The following RBFOX1 variants were observed in gnomAD, a reference collection of about 807,000 sequenced individuals.
RBFOX1 encodes the protein RNA binding protein fox-1 homolog 1.
In RBFOX1, 8 loss-of-function variants were observed where a neutral mutation model predicts 57.7. That is an observed-to-expected ratio of 0.14 (90% CI 0.08 to 0.25). RBFOX1 has a LOEUF of 0.25. RBFOX1 is among the 10% of genes least tolerant of loss of function. The pLI is 1.00. For synonymous variants in RBFOX1, 326 were observed against 222.4 expected, an observed-to-expected ratio of 1.47 and a Z score of -4.15; for missense variants, 611 against 548.5, an observed-to-expected ratio of 1.11 and a Z score of -1.14.
intron 3 of RBFOX1, among the ~76,000 whole-genome samples, chr16:6,989,228 A>C (rs1179016562): frequency 6.6e-6 from 1 of 152,100 alleles, no homozygotes; most frequent in East Asian, 1.9e-4. Context: ...GCTATTAGAA[A>C]AATTTTAATT....
intron 1 of RBFOX1, among the ~76,000 whole-genome samples, chr16:6,238,407 G>C (rs1344871017): frequency 2.6e-5 from 4 of 152,106 alleles, no homozygotes; most frequent in South Asian, 2.1e-4. Flanking sequence ...TCTGATACTG[G>C]AGAATTTAAA....
At chr16:7,671,688 G>C (rs940894241) in intron 13 of RBFOX1, 5 of 1,218,652 alleles carry the variant, frequency 4.1e-6, no homozygotes, top group African/African-American at 1.5e-5. Flanking sequence ...CTGGGGAGGG[G>C]AACAGTTCTC....
chr16:6,351,078 G>A (rs1438621740), intron 2 of RBFOX1, among the ~76,000 whole-genome samples: 1 of 152,020 alleles, frequency 6.6e-6, no homozygotes, highest in African/African-American at 2.4e-5. Context: ...CAGCAATGTG[G>A]CCAAAACTTA....
intron 4 of RBFOX1, among the ~76,000 whole-genome samples, chr16:7,448,927 GTTTTTT>G (rs71147700): frequency 6.0e-5 from 5 of 82,978 alleles, no homozygotes; most frequent in Middle Eastern, 0.013. Flanking sequence ...TCTTTCCCCT[GTTTTTT>G]TTTTTTTTTT....
chr16:7,705,194 G>A (rs1334794367), intron 14 of RBFOX1, among the ~76,000 whole-genome samples: 1 of 151,960 alleles, frequency 6.6e-6, no homozygotes, highest in Non-Finnish European at 1.5e-5. Context: ...GGATTTGCAT[G>A]TGTGCAGGAA....
At chr16:5,957,318 G>A (rs1176149410) in intron 4 of RBFOX1, among the ~76,000 whole-genome samples, 2 of 152,086 alleles carry the variant, frequency 1.3e-5, no homozygotes, top group South Asian at 2.1e-4. Flanking sequence ...GTGTTCAAGC[G>A]ATTCTCTTGC....
At chr16:7,347,479 C>T (rs909304024) in intron 4 of RBFOX1, among the ~76,000 whole-genome samples, 19 of 152,138 alleles carry the variant, frequency 1.2e-4, no homozygotes, top group Admixed American at 1.2e-3. Flanking sequence ...TCATTTCCCA[C>T]CAGGTTCCTG....
intron 2 of RBFOX1, among the ~76,000 whole-genome samples, chr16:6,572,070 T>G (rs2097352329): frequency 6.6e-6 from 1 of 152,210 alleles, no homozygotes; most frequent in Non-Finnish European, 1.5e-5. Flanking sequence ...AAAAGTGGAT[T>G]TTTCTGCCAA....
chr16:7,532,632 C>T (rs2080406625), intron 5 of RBFOX1, among the ~76,000 whole-genome samples: 1 of 152,204 alleles, frequency 6.6e-6, no homozygotes, highest in Admixed American at 6.5e-5. Context: ...CTTCTCCAGG[C>T]TTTTAACATC....
chr16:5,766,048 G>A lies in RBFOX1; in HGVS notation c.319-101255G>A, dbSNP rs896569622. ...TGGGGACTAGCTTGGTAGTGTGCAC[G>A]TCATGGAGCAGCCAATAGCTCAGAG... On this transcript the variant is annotated intron_variant, in intron 3 of 19. Transcript: ENST00000641259. Among the ~76,000 whole-genome samples, 9 of 152,302 alleles carry A rather than the reference G, an allele frequency of 5.9e-5. No individual in the cohort carries two copies. In the South Asian group the frequency reaches 6.2e-4, roughly 11 times the overall value.
intron 11 of RBFOX1, 111 bp downstream of exon 11, chr16:7,630,794 C>G (rs1053480706): frequency 5.3e-6 from 8 of 1,513,826 alleles, no homozygotes; most frequent in Middle Eastern, 3.5e-4. Flanking sequence ...TCTCTTGTGG[C>G]TCTCTCTGAG....
intron 4 of RBFOX1, among the ~76,000 whole-genome samples, chr16:5,931,572 T>C (rs1008989422): frequency 1.5e-4 from 23 of 152,142 alleles, no homozygotes; most frequent in African/African-American, 5.6e-4. Flanking sequence ...GGTAAGTCTT[T>C]GAGCAGCTGG....
chr16:6,474,812 C>G (rs1352616251), intron 2 of RBFOX1, among the ~76,000 whole-genome samples: 1 of 152,122 alleles, frequency 6.6e-6, no homozygotes, highest in African/African-American at 2.4e-5. Flanking sequence ...ACGGTGCCCA[C>G]TTTTTTGACT....
chr16:6,656,114 G>C (rs994375031), intron 3 of RBFOX1, among the ~76,000 whole-genome samples: 2 of 152,156 alleles, frequency 1.3e-5, no homozygotes, highest in Non-Finnish European at 2.9e-5. Flanking sequence ...TGTGCATTTA[G>C]TGAGTTGGAC....
intron 4 of RBFOX1, among the ~76,000 whole-genome samples, chr16:7,080,431 C>G (rs560993274): frequency 6.6e-6 from 1 of 152,130 alleles, no homozygotes; most frequent in South Asian, 2.1e-4. Context: ...ATTTCAGTGC[C>G]AAAGTAATGA....
At chr16:5,417,997 C>T (rs2067205558) in intron 1 of RBFOX1, among the ~76,000 whole-genome samples, 1 of 152,126 alleles carries the variant, frequency 6.6e-6, no homozygotes, top group Non-Finnish European at 1.5e-5. Context: ...AGAAGAATCA[C>T]TTGAACCGAG....
Position 7,602,555 on chromosome 16 carries a change from T to C in RBFOX1, c.623-4730T>C, listed in dbSNP as rs184635728. Among the ~76,000 whole-genome samples the C allele has an allele frequency of 2.9e-3, 446 of 152,348 alleles. 3 individuals carry two copies. The highest frequency in any genetic ancestry group is 0.01 in the African/African-American group (429 of 41,582). On this transcript the variant is annotated intron_variant, in intron 9 of 15. Coordinates refer to ENST00000550418, the MANE Select transcript of RBFOX1 (RefSeq NM_018723.4). ...AAGGGGATCATTTTGTTCATCTTCC[T>C]GACAGTGCAGGCTCTTATCTCCAGC...
At chr16:5,676,302 T>G (rs1281225702) in intron 3 of RBFOX1, among the ~76,000 whole-genome samples, 1 of 152,108 alleles carries the variant, frequency 6.6e-6, no homozygotes, top group Admixed American at 6.5e-5. Flanking sequence ...CACCCATTTG[T>G]GTATCCATTC....
intron 1 of RBFOX1, among the ~76,000 whole-genome samples, chr16:5,374,609 A>G (rs1279445443): frequency 1.3e-5 from 2 of 151,986 alleles, no homozygotes; most frequent in African/African-American, 4.8e-5. Flanking sequence ...TGGTTGGGGG[A>G]TGAGCTTGGA....
Sources: allele counts gnomAD v4.1 joint callset (sites outside exome capture counted in the v4.1 genomes callset), GRCh38; gene constraint gnomAD v4.1.1; transcripts MANE v1.5; gene names NCBI Gene and HGNC (gene_info 2026-07-23, HGNC 2026-07-21).